ATXN8OS: variants seen among roughly 807,000 people sequenced by gnomAD.
ATXN8OS encodes ATXN8 opposite strand (non-protein coding).
intron 4 of ATXN8OS, among the ~76,000 whole-genome samples, chr13:70,165,373 T>G (rs1889065716): frequency 6.6e-6 from 1 of 151,796 alleles, no homozygotes; most frequent in Non-Finnish European, 1.5e-5. Context: ...TAAAGGTTAT[T>G]CCTGCATAGT....
chr13:70,129,847 G>C (rs1888503866), exon 3 of ATXN8OS: 1 of 398,486 alleles, frequency 2.5e-6, no homozygotes, highest in African/African-American at 2.1e-5. Context: ...AAGTTGAAGT[G>C]TTGAGAAGAG....
At chr13:70,171,593 T>A (rs191400976) in exon 5 of ATXN8OS, among the ~76,000 whole-genome samples, 1 of 152,138 alleles carries the variant, frequency 6.6e-6, no homozygotes, top group African/African-American at 2.4e-5. Context: ...TTCATCATAA[T>A]CTTAGGGAAC....
chr13:70,138,141 C>G (rs1003930778), intron 3 of ATXN8OS, among the ~76,000 whole-genome samples: 8 of 152,188 alleles, frequency 5.3e-5, no homozygotes, highest in Non-Finnish European at 8.8e-5. Context: ...TGGGTGCCGA[C>G]ACAGAGCCAG....
chr13:70,154,738 A>G (rs897052614), intron 4 of ATXN8OS, among the ~76,000 whole-genome samples: 2 of 152,182 alleles, frequency 1.3e-5, no homozygotes, highest in African/African-American at 4.8e-5. Flanking sequence ...TGTTTTATGA[A>G]ATGAGTTTAT....
intron 4 of ATXN8OS, among the ~76,000 whole-genome samples, chr13:70,154,302 G>A (rs573298156): frequency 2.0e-5 from 3 of 152,068 alleles, no homozygotes; most frequent in African/African-American, 4.8e-5. Flanking sequence ...TTAAAGCTTC[G>A]TTTTAAAATT....
chr13:70,154,418 C>G (rs1888911105), intron 4 of ATXN8OS, among the ~76,000 whole-genome samples: 1 of 152,152 alleles, frequency 6.6e-6, no homozygotes, highest in African/African-American at 2.4e-5. Flanking sequence ...CTACCTAATT[C>G]TGCATCTGCT....
chr13:70,140,645 G>A (rs1208927105), intron 3 of ATXN8OS, among the ~76,000 whole-genome samples: 1 of 151,872 alleles, frequency 6.6e-6, no homozygotes, highest in African/African-American at 2.4e-5. Context: ...TATAACTCAG[G>A]AATCCTCTGA....
intron 2 of ATXN8OS, among the ~76,000 whole-genome samples, chr13:70,115,759 A>T (rs1395774723): frequency 6.6e-6 from 1 of 152,170 alleles, no homozygotes; most frequent in Non-Finnish European, 1.5e-5. Flanking sequence ...GTCAGGAAAC[A>T]TATAATACTT....
chr13:70,123,064 C>A (rs1888384229), intron 2 of ATXN8OS, among the ~76,000 whole-genome samples: 1 of 151,932 alleles, frequency 6.6e-6, no homozygotes, highest in African/African-American at 2.4e-5. Context: ...AGTTACTGAG[C>A]AAATATTAAT....
rs370490094 is a variant in ATXN8OS at position 70,112,296 on chromosome 13, C to A, written n.241-2845C>A. Among the ~76,000 whole-genome samples, 8 of 151,956 alleles carry A rather than the reference C, an allele frequency of 5.3e-5. No homozygotes were observed. In the East Asian group the frequency reaches 1.6e-3, roughly 30 times the overall value. On this transcript the variant is annotated intron_variant and non_coding_transcript_variant, in intron 1 of 4. Coordinates refer to ENST00000678624, the Ensembl canonical transcript of ATXN8OS. ...ATGAGATTTGGGTGGGGACACAGAG[C>A]CAAACCATATCATACATTAATATAA...
At chr13:70,133,418 A>T (rs1393478502) in intron 3 of ATXN8OS, among the ~76,000 whole-genome samples, 1 of 152,170 alleles carries the variant, frequency 6.6e-6, no homozygotes, top group East Asian at 1.9e-4. Flanking sequence ...AGCATAAAGG[A>T]ATATGTACTG....
At chr13:70,114,576 C>T (rs1888247358) in intron 1 of ATXN8OS, among the ~76,000 whole-genome samples, 2 of 152,022 alleles carry the variant, frequency 1.3e-5, no homozygotes, top group African/African-American at 4.8e-5. Flanking sequence ...AATTTCTTCA[C>T]ACTAGATAGA....
intron 4 of ATXN8OS, among the ~76,000 whole-genome samples, chr13:70,160,826 T>A (rs56021148): frequency 5.4e-5 from 1 of 18,574 alleles, no homozygotes; most frequent in Non-Finnish European, 2.9e-4. Context: ...TATAAATATA[T>A]ATTTATATAT....
At chr13:70,121,434 G>A (rs901666763) in intron 2 of ATXN8OS, among the ~76,000 whole-genome samples, 2 of 152,070 alleles carry the variant, frequency 1.3e-5, no homozygotes, top group African/African-American at 2.4e-5. Context: ...AGGAGGGAAA[G>A]GGTGTATAAT....
intron 4 of ATXN8OS, among the ~76,000 whole-genome samples, chr13:70,168,109 C>T (rs1018651): frequency 0.93 from 141,030 of 152,026 alleles, 65,970 homozygotes; most frequent in East Asian, 0.99. Context: ...TTTTTTTGTT[C>T]TTTGCTGGGA....
chr13:70,168,148 A>T (rs1158976798), intron 4 of ATXN8OS, among the ~76,000 whole-genome samples: 1 of 152,128 alleles, frequency 6.6e-6, no homozygotes, highest in East Asian at 1.9e-4. Context: ...TGAACTGATT[A>T]GGATTTCCCA....
chr13:70,130,434 G>C (rs1351877444), intron 3 of ATXN8OS, among the ~76,000 whole-genome samples: 1 of 152,120 alleles, frequency 6.6e-6, no homozygotes, highest in Non-Finnish European at 1.5e-5. Flanking sequence ...TACTAAGAAG[G>C]CTTGAAGAAT....
At chr13:70,109,040 T>C (rs1593752387) in intron 1 of ATXN8OS, among the ~76,000 whole-genome samples, 2 of 152,218 alleles carry the variant, frequency 1.3e-5, no homozygotes, top group East Asian at 1.9e-4. Flanking sequence ...AAAGCTGTTA[T>C]CAGTGTAAAT....
chr13:70,159,294 C>T (rs577831087), intron 4 of ATXN8OS, among the ~76,000 whole-genome samples: 2 of 151,504 alleles, frequency 1.3e-5, no homozygotes, highest in South Asian at 2.1e-4. Context: ...CAAAATCATG[C>T]TTTTTGTAGA....
Sources: allele counts gnomAD v4.1 joint callset (sites outside exome capture counted in the v4.1 genomes callset), GRCh38; gene constraint gnomAD v4.1.1; transcripts MANE v1.5; gene names NCBI Gene and HGNC (gene_info 2026-07-23, HGNC 2026-07-21).